The following GREM2 variants were observed in gnomAD, a reference collection of about 807,000 sequenced individuals.
GREM2 encodes the protein gremlin-2.
Under a neutral mutation model 14.2 loss-of-function variants are expected in GREM2, and 11 were observed. The observed-to-expected ratio is 0.78, with a 90% CI of 0.49 to 1.28. The LOEUF is 1.28. Ranked by LOEUF, GREM2 falls within the 50% of genes most tolerant of loss-of-function variation. The pLI, the probability that GREM2 is intolerant of heterozygous loss-of-function variation, is 0.00. For synonymous variants in GREM2, 98 were observed against 97.6 expected, an observed-to-expected ratio of 1.00 and a Z score of -0.02; for missense variants, 210 against 218.5, an observed-to-expected ratio of 0.96 and a Z score of 0.24.
intron 1 of GREM2, among the ~76,000 whole-genome samples, chr1:240,574,171 C>T (rs949617211): frequency 2.0e-5 from 3 of 152,104 alleles, no homozygotes; most frequent in African/African-American, 4.8e-5. Flanking sequence ...CTGCCCGCCT[C>T]GGCCTCCCAA....
chr1:240,559,283 C>A (rs1291816662), intron 1 of GREM2, among the ~76,000 whole-genome samples: 2 of 147,336 alleles, frequency 1.4e-5, no homozygotes, highest in Admixed American at 6.8e-5. Flanking sequence ...ATCTATTGTA[C>A]AATACATACT....
At position 240,596,227 on chromosome 1, in the gene GREM2, T is replaced by G. The variant is rs375981913; in HGVS notation, c.-2+15657A>C. On this transcript the variant is annotated intron_variant, in intron 1 of 1. Coordinates refer to ENST00000318160, the MANE Select transcript of GREM2 (RefSeq NM_022469.4). ...ATATAACTTAGAATCCTAAGTCTAATCAATCATCACATATAATAAGTGTTA... is the reference window on the plus strand; with the variant it reads ...ATATAACTTAGAATCCTAAGTCTAAGCAATCATCACATATAATAAGTGTTA... Among the ~76,000 whole-genome samples the G allele has an allele frequency of 2.0e-4, 31 of 152,344 alleles. 1 individual carries two copies. Among genetic ancestry groups the G allele is most frequent in the African/African-American group, 7.5e-4 (31 of 41,580 alleles).
intron 1 of GREM2, among the ~76,000 whole-genome samples, chr1:240,604,399 A>G (rs1679988558): frequency 6.6e-6 from 1 of 152,078 alleles, no homozygotes; most frequent in African/African-American, 2.4e-5. Context: ...AATGAGATCT[A>G]AAAGCAGGTA....
At chr1:240,535,479 A>G (rs1219077916) in intron 1 of GREM2, among the ~76,000 whole-genome samples, 3 of 152,230 alleles carry the variant, frequency 2.0e-5, no homozygotes, top group African/African-American at 7.2e-5. Flanking sequence ...CATCCTTGGT[A>G]AACCAATGTT....
intron 1 of GREM2, among the ~76,000 whole-genome samples, chr1:240,509,056 C>T (rs544635256): frequency 6.6e-6 from 1 of 152,340 alleles, no homozygotes; most frequent in Admixed American, 6.5e-5. Context: ...TCTAACATCT[C>T]TTCTTTCTTT....
intron 1 of GREM2, among the ~76,000 whole-genome samples, chr1:240,511,010 A>T (rs1677812743): frequency 6.6e-6 from 1 of 152,234 alleles, no homozygotes; most frequent in South Asian, 2.1e-4. Context: ...TTCAATGACT[A>T]TCTAATCTAA....
chr1:240,498,642 C>T (rs755967081), intron 1 of GREM2, among the ~76,000 whole-genome samples: 6 of 152,298 alleles, frequency 3.9e-5, no homozygotes, highest in African/African-American at 9.6e-5. Flanking sequence ...TCAGCGGCCC[C>T]GCCAGGAGCT....
chr1:240,539,966 T>C (rs894018722), intron 1 of GREM2, among the ~76,000 whole-genome samples: 3 of 152,218 alleles, frequency 2.0e-5, no homozygotes, highest in African/African-American at 7.2e-5. Flanking sequence ...TAATTGCTAG[T>C]CTTGGTGTCT....
rs1430380745 is a variant in GREM2, at chr1:240,492,175, T to C, written c.*794A>G. ...GTCACTTATAAAACCAGCGTTAATATAGAGACCTTTGTGTGTGATAATATT... is the reference window on the plus strand; with the variant it reads ...GTCACTTATAAAACCAGCGTTAATACAGAGACCTTTGTGTGTGATAATATT... On this transcript the variant is annotated 3_prime_UTR_variant, in exon 2 of 2. Transcript: ENST00000318160. 4.5e-6 allele frequency: 2 copies of C among 449,386 alleles called. No individual in the cohort carries two copies. The highest frequency in any genetic ancestry group is 4.0e-5 in the African/African-American group (2 of 49,886). The allele number at this position is 449,386 out of a possible 1,614,324, so 27.8% of individuals were successfully genotyped here. A position where few individuals can be genotyped will look rare whatever the true frequency, so the allele number is the denominator to read the frequency against.
intron 1 of GREM2, among the ~76,000 whole-genome samples, chr1:240,593,036 CG>C (rs1679742146): frequency 1.3e-5 from 2 of 151,514 alleles, no homozygotes; most frequent in Admixed American, 1.3e-4. Context: ...CCTAGCTACT[CG>C]GGAGGCTGAG....
intron 1 of GREM2, among the ~76,000 whole-genome samples, chr1:240,591,533 G>T (rs567770921): frequency 6.6e-6 from 1 of 152,162 alleles, no homozygotes; most frequent in Non-Finnish European, 1.5e-5. Flanking sequence ...CGACGCTCAC[G>T]TTTTGGCGGA....
chr1:240,600,559 C>T (rs1172249844), intron 1 of GREM2, among the ~76,000 whole-genome samples: 1 of 152,146 alleles, frequency 6.6e-6, no homozygotes, highest in Admixed American at 6.5e-5. Context: ...TCTCGGCTCA[C>T]TACAACCTCC....
At chr1:240,493,543 T>G in intron 1 of GREM2, 67 bp from the exon 2 acceptor site, 1 of 1,424,556 alleles carries the variant, frequency 7.0e-7, no homozygotes, top group East Asian at 2.5e-5. Context: ...TCTTACTTAT[T>G]TTTTTTTTTA....
At chr1:240,589,497 T>C (rs1044832402) in intron 1 of GREM2, among the ~76,000 whole-genome samples, 1 of 152,024 alleles carries the variant, frequency 6.6e-6, no homozygotes, top group Non-Finnish European at 1.5e-5. Flanking sequence ...AATTAAATTT[T>C]AACAATTTTC....
chr1:240,516,602 A>G (rs1054287436), intron 1 of GREM2, among the ~76,000 whole-genome samples: 13 of 152,192 alleles, frequency 8.5e-5, no homozygotes, highest in Non-Finnish European at 1.8e-4. Flanking sequence ...GTATAATACT[A>G]TATACTGTGT....
chr1:240,538,320 A>T (rs1407844052), intron 1 of GREM2, among the ~76,000 whole-genome samples: 1 of 152,124 alleles, frequency 6.6e-6, no homozygotes, highest in East Asian at 1.9e-4. Context: ...AACAATGCCA[A>T]CCCTTTCAGT....
chr1:240,537,036 G>C (rs1051218544), intron 1 of GREM2, among the ~76,000 whole-genome samples: 2 of 152,332 alleles, frequency 1.3e-5, no homozygotes, highest in Non-Finnish European at 2.9e-5. Context: ...AGATACATTA[G>C]TGAAAGCACT....
chr1:240,560,294 G>C (rs532895535), intron 1 of GREM2, among the ~76,000 whole-genome samples: 3 of 152,112 alleles, frequency 2.0e-5, no homozygotes, highest in Non-Finnish European at 4.4e-5. Flanking sequence ...TGCCGCCATG[G>C]GTGCTCAGGT....
intron 1 of GREM2, among the ~76,000 whole-genome samples, chr1:240,565,447 T>C (rs1572401556): frequency 6.6e-6 from 1 of 152,314 alleles, no homozygotes; most frequent in East Asian, 1.9e-4. Flanking sequence ...TTTTGTAGGC[T>C]ATGTTTTTAT....
Sources: allele counts gnomAD v4.1 joint callset (sites outside exome capture counted in the v4.1 genomes callset), GRCh38; gene constraint gnomAD v4.1.1; transcripts MANE v1.5; gene names NCBI Gene and HGNC (gene_info 2026-07-23, HGNC 2026-07-21).